Variants in RRAS2 observed in about 807,000 individuals in gnomAD.
The protein encoded by RRAS2 is ras-related protein R-Ras2.
Under a neutral mutation model 27.6 loss-of-function variants are expected in RRAS2, and 7 were observed. The ratio of observed to expected loss-of-function variants is 0.25; its 90% CI spans 0.14 to 0.48. The LOEUF is 0.48. RRAS2 is among the 20% of genes least tolerant of loss of function. The pLI, the probability that RRAS2 is intolerant of heterozygous loss-of-function variation, is 0.99. For missense variants in RRAS2, 178 were observed against 256.2 expected, an observed-to-expected ratio of 0.69 and a Z score of 2.08; for synonymous variants, 86 against 90.9, an observed-to-expected ratio of 0.95 and a Z score of 0.31.
intron 1 of RRAS2, among the ~76,000 whole-genome samples, chr11:14,317,015 A>G (rs1554949638): frequency 6.6e-6 from 1 of 152,174 alleles, no homozygotes; most frequent in Non-Finnish European, 1.5e-5. Context: ...AGGTGTTAAA[A>G]TAAGAAATTT....
chr11:14,280,726 CAAAAAAAAAAAAAAAA>C lies in RRAS2; in HGVS notation c.527+860_527+875del, dbSNP rs58781581. 2.5e-3 allele frequency among the ~76,000 whole-genome samples: 119 copies of C among 48,332 alleles called. 2 individuals carry two copies. The highest frequency in any genetic ancestry group is 9.7e-3 in the African/African-American group (93 of 9,632). 31.7% of individuals were successfully genotyped at this position (48,332 alleles called of 152,430 possible). A position where few individuals can be genotyped will look rare whatever the true frequency, so the allele number is the denominator to read the frequency against. On this transcript the variant is annotated intron_variant, in intron 5 of 5. Transcript: ENST00000256196. ...GGGTGACAAAGAGAAACTCTGTTTC[CAAAAAAAAAAAAAAAA>C]AAAAAAAAAAAAAAAGCAGCCCACT...
In RRAS2 at chr11:14,358,760, T is replaced by C; in HGVS notation, c.108+3A>G. Reference sequence around the variant, plus strand: ...GCGCCCCGGGCAGGCCCGCTCCAGGTACCTGGATGAACTGGATGGTGAGCG... The same window carrying C: ...GCGCCCCGGGCAGGCCCGCTCCAGGCACCTGGATGAACTGGATGGTGAGCG... On this transcript the variant is annotated splice_donor_region_variant and intron_variant, in intron 1 of 5. Transcript: ENST00000256196. The surrounding 1 kb of genome is among the most constrained non-coding windows in gnomAD (Gnocchi z 5.1). The C allele has an allele frequency of 7.0e-7, 1 of 1,422,586 alleles. No individual in the cohort carries two copies. The highest frequency in any genetic ancestry group is 1.4e-5 in the South Asian group (1 of 72,500). The allele number at this position is 1,422,586 out of a possible 1,614,324, so 88.1% of individuals were successfully genotyped here.
chr11:14,317,023 T>A (rs1848122817), intron 1 of RRAS2, among the ~76,000 whole-genome samples: 1 of 152,178 alleles, frequency 6.6e-6, no homozygotes, highest in Non-Finnish European at 1.5e-5. Flanking sequence ...AAATAAGAAA[T>A]TTTTTAATGT....
At position 14,331,576 on chromosome 11, in the gene RRAS2, C is replaced by A. The variant is rs538737921; in HGVS notation, c.108+27187G>T. 2.0e-5 allele frequency among the ~76,000 whole-genome samples: 3 copies of A among 149,958 alleles called. No homozygotes were observed. The South Asian group carries it at 6.3e-4, about 32-fold the overall frequency. On this transcript the variant is annotated intron_variant, in intron 1 of 5. Transcript: ENST00000256196. ...GTTCTGGCCTGGGCATGGTGGCGCA[C>A]ATCTATAGTCCCAGCTATTCAGGAG...
intron 4 of RRAS2, among the ~76,000 whole-genome samples, chr11:14,292,996 T>C (rs1316656596): frequency 1.3e-5 from 2 of 151,002 alleles, no homozygotes; most frequent in East Asian, 1.9e-4. Context: ...AGTCCCAAGC[T>C]ACTTGGGAGG....
chr11:14,342,972 A>C (rs1263556541), intron 1 of RRAS2, among the ~76,000 whole-genome samples: 1 of 152,226 alleles, frequency 6.6e-6, no homozygotes, highest in Non-Finnish European at 1.5e-5. Flanking sequence ...GATCCATTTT[A>C]AGTAATAATG....
Position 14,279,443 on chromosome 11 carries a change from T to C in RRAS2, c.528-19A>G. On this transcript the variant is annotated intron_variant, in intron 5 of 5. Transcript: ENST00000256196. ...AAATTTCCTGTAAGATAAAAAATTCTAAAATATAATTGCCTTCTTGGTAAT... is the reference window on the plus strand; with the variant it reads ...AAATTTCCTGTAAGATAAAAAATTCCAAAATATAATTGCCTTCTTGGTAAT... 6.5e-7 allele frequency: 1 copy of C among 1,545,618 alleles called. No individual in the cohort carries two copies. The highest frequency in any genetic ancestry group is 2.2e-5 in the East Asian group (1 of 44,558).
rs1415452446 is a variant in RRAS2 at position 14,302,109 on chromosome 11, C to CACACACACACACACAT, written c.109-6255_109-6254insATGTGTGTGTGTGTGT. Among the ~76,000 whole-genome samples, 257 of 139,020 alleles carry CACACACACACACACAT rather than the reference C, an allele frequency of 1.8e-3. 2 individuals are homozygous for CACACACACACACACAT. The highest frequency in any genetic ancestry group is 3.8e-3 in the Middle Eastern group (1 of 266). The allele number at this position is 139,020 out of a possible 152,430, so 91.2% of individuals were successfully genotyped here. On this transcript the variant is annotated intron_variant, in intron 1 of 5. Coordinates refer to ENST00000256196, the MANE Select transcript of RRAS2 (RefSeq NM_012250.6). ...ACACACACACACACACACACACACA[C>CACACACACACACACAT]ACCAAAAACCAAGACTAACAAATTT... is the stretch of plus-strand genomic sequence containing the variant.
chr11:14,304,319 A>G (rs1373865144), intron 1 of RRAS2, among the ~76,000 whole-genome samples: 2 of 152,220 alleles, frequency 1.3e-5, no homozygotes, highest in African/African-American at 4.8e-5. Context: ...GACACCAAAC[A>G]TACAACATAC....
chr11:14,294,461 T>A lies in RRAS2; in HGVS notation c.408+10A>T. ...ACAATTGGTTTCCCAACAGTGAAAT[T>A]CCTTCTCACCTGTCTTTGATGATCC... is the stretch of plus-strand genomic sequence containing the variant. On this transcript the variant is annotated intron_variant, in intron 4 of 5. Transcript: ENST00000256196. 6.6e-7 allele frequency: 1 copy of A among 1,522,984 alleles called. No individual in the cohort carries two copies. Among genetic ancestry groups the A allele is most frequent in the Non-Finnish European group, 8.9e-7 (1 of 1,119,766 alleles). 94.3% of individuals were successfully genotyped at this position (1,522,984 alleles called of 1,614,324 possible). A position where few individuals can be genotyped will look rare whatever the true frequency, so the allele number is the denominator to read the frequency against.
chr11:14,320,199 G>A (rs782418698), intron 1 of RRAS2, among the ~76,000 whole-genome samples: 2 of 152,022 alleles, frequency 1.3e-5, no homozygotes, highest in East Asian at 1.9e-4. Flanking sequence ...TCTAATGCAC[G>A]GTGCTGATTT....
At chr11:14,311,058 G>A (rs564979748) in intron 1 of RRAS2, among the ~76,000 whole-genome samples, 5 of 152,306 alleles carry the variant, frequency 3.3e-5, no homozygotes, top group African/African-American at 1.2e-4. Flanking sequence ...AAATTTAAAA[G>A]CATTTTAGGC....
chr11:14,319,168 T>C (rs1483244957), intron 1 of RRAS2, among the ~76,000 whole-genome samples: 1 of 152,204 alleles, frequency 6.6e-6, no homozygotes, highest in South Asian at 2.1e-4. Flanking sequence ...TTGCCCCTGC[T>C]TTCTCTAGAT....
At chr11:14,334,114 T>G (rs1848542228) in intron 1 of RRAS2, among the ~76,000 whole-genome samples, 1 of 152,166 alleles carries the variant, frequency 6.6e-6, no homozygotes, top group African/African-American at 2.4e-5. Flanking sequence ...ACCTGGAAAA[T>G]AACTACTGGG....
intron 1 of RRAS2, among the ~76,000 whole-genome samples, chr11:14,345,022 C>G (rs1373460900): frequency 7.4e-6 from 1 of 135,870 alleles, no homozygotes; most frequent in Non-Finnish European, 1.5e-5. Context: ...CAGTCTCACT[C>G]TGTCACCCAG....
chr11:14,341,185 A>C (rs2134022811), intron 1 of RRAS2, among the ~76,000 whole-genome samples: 1 of 152,294 alleles, frequency 6.6e-6, no homozygotes, highest in East Asian at 1.9e-4. Context: ...CCATTTTCTA[A>C]AGGAATAAAT....
intron 1 of RRAS2, among the ~76,000 whole-genome samples, chr11:14,341,385 G>A (rs1848702577): frequency 6.6e-6 from 1 of 152,078 alleles, no homozygotes; most frequent in Non-Finnish European, 1.5e-5. Context: ...GAAACTAAAG[G>A]CAAAATTAAT....
chr11:14,348,379 C>A (rs1848882289), intron 1 of RRAS2, among the ~76,000 whole-genome samples: 1 of 152,152 alleles, frequency 6.6e-6, no homozygotes, highest in Non-Finnish European at 1.5e-5. Flanking sequence ...CAAACTTTCA[C>A]ATACTAGTTT....
At chr11:14,331,100 A>G (rs1472243548) in intron 1 of RRAS2, among the ~76,000 whole-genome samples, 5 of 152,228 alleles carry the variant, frequency 3.3e-5, no homozygotes, top group African/African-American at 1.2e-4. Context: ...AGATTTTTAA[A>G]GAACATAAAA....
Sources: gnomAD v4.1 joint callset for allele counts (sites outside exome capture counted in the v4.1 genomes callset) on GRCh38, gnomAD v4.1.1 for gene constraint, Gnocchi (gnomAD v3.1) non-coding constraint, MANE v1.5 for transcripts, NCBI Gene and HGNC (gene_info 2026-07-23, HGNC 2026-07-21) for gene names.